CNTNAP2: variants seen among roughly 807,000 people sequenced by gnomAD.
CNTNAP2 encodes contactin associated protein 2, also known as contactin-associated protein-like 2.
CNTNAP2 carries 98 observed loss-of-function variants against 155.2 expected under a neutral mutation model. The ratio of observed to expected loss-of-function variants is 0.63; its 90% CI spans 0.54 to 0.75. The LOEUF (loss-of-function observed/expected upper bound fraction) is 0.75, where lower values mean the gene tolerates loss of function less well. Among genes scored for constraint, CNTNAP2 ranks in the 30% least tolerant of loss-of-function variants. The pLI, the probability that CNTNAP2 is intolerant of heterozygous loss-of-function variation, is 0.00. For synonymous variants in CNTNAP2, 651 were observed against 631.2 expected (o/e 1.03, Z -0.47); for missense variants, 1,727 against 1,688.1 (o/e 1.02, Z -0.40).
At chr7:147,731,721 G>A (rs1456046721) in intron 13 of CNTNAP2, among the ~76,000 whole-genome samples, 2 of 152,046 alleles carry the variant, frequency 1.3e-5, no homozygotes, top group Non-Finnish European at 2.9e-5. Flanking sequence ...TTCTCTAGTA[G>A]GTCTGGGCAA....
At chr7:148,230,513 G>A (rs543720774) in intron 20 of CNTNAP2, among the ~76,000 whole-genome samples, 1 of 152,308 alleles carries the variant, frequency 6.6e-6, no homozygotes, top group East Asian at 1.9e-4. Context: ...TCAGGAGAAA[G>A]AACAGCAGGA....
chr7:148,286,513 G>A (rs1023453345), intron 21 of CNTNAP2, among the ~76,000 whole-genome samples: 1 of 152,020 alleles, frequency 6.6e-6, no homozygotes, highest in African/African-American at 2.4e-5. Context: ...TTAATTTTGT[G>A]GGCCTAATTA....
intron 16 of CNTNAP2, among the ~76,000 whole-genome samples, chr7:148,136,797 C>T (rs1563211348): frequency 6.6e-6 from 1 of 152,110 alleles, no homozygotes; most frequent in Non-Finnish European, 1.5e-5. Flanking sequence ...TAAATCGTAA[C>T]AAAAGTAAAT....
At chr7:146,517,454 A>G (rs968491573) in intron 1 of CNTNAP2, among the ~76,000 whole-genome samples, 2 of 151,978 alleles carry the variant, frequency 1.3e-5, no homozygotes, top group African/African-American at 4.8e-5. Context: ...CTAGCACAAT[A>G]AAATATAAAG....
intron 3 of CNTNAP2, among the ~76,000 whole-genome samples, chr7:146,941,743 A>G (rs919295954): frequency 6.6e-6 from 1 of 151,846 alleles, no homozygotes; most frequent in Non-Finnish European, 1.5e-5. Context: ...ATTTCTGAAG[A>G]ACAGTTTTCC....
chr7:146,907,485 G>A (rs530149057), intron 3 of CNTNAP2, among the ~76,000 whole-genome samples: 1 of 133,762 alleles, frequency 7.5e-6, no homozygotes, highest in South Asian at 2.8e-4. Context: ...AAGAGAGTGG[G>A]GGCCAATATT....
intron 1 of CNTNAP2, among the ~76,000 whole-genome samples, chr7:146,684,979 A>G (rs888892933): frequency 3.3e-5 from 5 of 152,166 alleles, no homozygotes; most frequent in Non-Finnish European, 7.4e-5. Context: ...TCTTACTGAG[A>G]AAGTGATTAA....
intron 1 of CNTNAP2, among the ~76,000 whole-genome samples, chr7:146,390,326 A>G (rs1446931888): frequency 6.6e-6 from 1 of 152,044 alleles, no homozygotes; most frequent in Non-Finnish European, 1.5e-5. Flanking sequence ...ACTAGGTGCC[A>G]CATTAACTGG....
At chr7:148,369,911 A>G (rs929195907) in intron 21 of CNTNAP2, among the ~76,000 whole-genome samples, 2 of 152,116 alleles carry the variant, frequency 1.3e-5, no homozygotes, top group African/African-American at 4.8e-5. Context: ...TTTTAAATGA[A>G]GGTTATTATA....
At chr7:146,571,200 A>G (rs929870313) in intron 1 of CNTNAP2, among the ~76,000 whole-genome samples, 1 of 152,146 alleles carries the variant, frequency 6.6e-6, no homozygotes, top group East Asian at 1.9e-4. Flanking sequence ...GGTGTACTCA[A>G]AATAATACTG....
intron 6 of CNTNAP2, among the ~76,000 whole-genome samples, chr7:147,128,130 T>A (rs748544039): frequency 2.0e-5 from 3 of 152,158 alleles, no homozygotes; most frequent in Non-Finnish European, 2.9e-5. Context: ...TCCTAAGTGG[T>A]CCCTAATCAA....
intron 14 of CNTNAP2, among the ~76,000 whole-genome samples, chr7:147,929,092 CAAAAAAAAAAAAAA>C (rs66584239): frequency 5.8e-5 from 2 of 34,632 alleles, no homozygotes; most frequent in Admixed American, 4.7e-4. Context: ...AACTCCATCC[CAAAAAAAAAAAAAA>C]AAAAAAAAAA....
At chr7:146,341,565 C>T (rs1794727775) in intron 1 of CNTNAP2, among the ~76,000 whole-genome samples, 1 of 152,026 alleles carries the variant, frequency 6.6e-6, no homozygotes, top group African/African-American at 2.4e-5. Context: ...ACAAGTAAAA[C>T]AATTTAATCA....
intron 1 of CNTNAP2, among the ~76,000 whole-genome samples, chr7:146,369,054 T>C (rs911769769): frequency 2.1e-5 from 3 of 142,062 alleles, no homozygotes; most frequent in South Asian, 2.2e-4. Flanking sequence ...TATATATACA[T>C]ATATATATAT....
intron 15 of CNTNAP2, among the ~76,000 whole-genome samples, chr7:148,018,012 C>T (rs2116914345): frequency 6.6e-6 from 1 of 152,306 alleles, no homozygotes; most frequent in East Asian, 1.9e-4. Context: ...TGTTAAAACT[C>T]GCCACAAAGG....
chr7:148,038,847 G>C (rs1041986040), intron 15 of CNTNAP2, among the ~76,000 whole-genome samples: 9 of 151,900 alleles, frequency 5.9e-5, no homozygotes, highest in Admixed American at 2.0e-4. Flanking sequence ...TGGATGGATG[G>C]ATGGATGGAT....
intron 13 of CNTNAP2, among the ~76,000 whole-genome samples, chr7:147,758,989 A>G (rs1460347841): frequency 6.6e-6 from 1 of 152,144 alleles, no homozygotes; most frequent in Non-Finnish European, 1.5e-5. Context: ...TTTCCCGTTC[A>G]ATCTCTCAAG....
intron 14 of CNTNAP2, among the ~76,000 whole-genome samples, chr7:147,965,897 G>A (rs956965516): frequency 4.6e-5 from 7 of 152,162 alleles, no homozygotes; most frequent in African/African-American, 1.7e-4. Flanking sequence ...TTTTTCAAAC[G>A]TCTACGTCCC....
At chr7:147,233,633 C>T (rs1165093916) in intron 8 of CNTNAP2, among the ~76,000 whole-genome samples, 1 of 150,534 alleles carries the variant, frequency 6.6e-6, no homozygotes, top group Non-Finnish European at 1.5e-5. Flanking sequence ...GACTACTGGT[C>T]ACACTCTAAA....
Sources: allele counts gnomAD v4.1 joint callset (sites outside exome capture counted in the v4.1 genomes callset), GRCh38; gene constraint gnomAD v4.1.1; transcripts MANE v1.5; gene names NCBI Gene and HGNC (gene_info 2026-07-23, HGNC 2026-07-21).